Variants in SGCD observed in about 807,000 individuals in gnomAD.
SGCD encodes sarcoglycan delta.
Under a neutral mutation model 36.6 loss-of-function variants are expected in SGCD, and 18 were observed. The ratio of observed to expected loss-of-function variants is 0.49; its 90% CI spans 0.34 to 0.73. The LOEUF is 0.73. Ranked by LOEUF, SGCD falls within the 30% of genes least tolerant of loss-of-function variation. SGCD has a pLI of 0.01. For synonymous variants in SGCD, 133 were observed against 130.6 expected, an observed-to-expected ratio of 1.02 and a Z score of -0.12; for missense variants, 387 against 346.7, an observed-to-expected ratio of 1.12 and a Z score of -0.92.
At chr5:156,096,878 G>A (rs1376440620) in intron 1 of SGCD, among the ~76,000 whole-genome samples, 1 of 152,120 alleles carries the variant, frequency 6.6e-6, no homozygotes, top group Non-Finnish European at 1.5e-5. Flanking sequence ...AAATCTTTAA[G>A]GGGAGCTCTG....
chr5:156,517,907 A>G (rs1364718867), intron 4 of SGCD, among the ~76,000 whole-genome samples: 1 of 152,198 alleles, frequency 6.6e-6, no homozygotes, highest in African/African-American at 2.4e-5. Flanking sequence ...ACAAAGACCA[A>G]TGGCATTATG....
At chr5:156,237,618 G>C (rs13357819) in intron 3 of SGCD, among the ~76,000 whole-genome samples, 1 of 151,992 alleles carries the variant, frequency 6.6e-6, no homozygotes. Flanking sequence ...GAGTGAGACT[G>C]TCTCAAAATG....
chr5:156,506,647 T>C (rs1756711021), intron 3 of SGCD, among the ~76,000 whole-genome samples: 1 of 152,006 alleles, frequency 6.6e-6, no homozygotes, highest in Admixed American at 6.6e-5. Flanking sequence ...TTGACTGAAG[T>C]AGGGAAATTA....
chr5:156,148,093 G>A (rs578096895), intron 3 of SGCD, among the ~76,000 whole-genome samples: 1 of 152,256 alleles, frequency 6.6e-6, no homozygotes, highest in East Asian at 1.9e-4. Context: ...GTGATGTGGT[G>A]AACCAAGTGA....
chr5:156,285,355 T>C (rs1023098871), intron 3 of SGCD, among the ~76,000 whole-genome samples: 3 of 152,102 alleles, frequency 2.0e-5, no homozygotes, highest in South Asian at 2.1e-4. Context: ...AAAAAGAGCC[T>C]GCATTGCCAT....
At chr5:156,486,260 A>G (rs2127844377) in intron 3 of SGCD, among the ~76,000 whole-genome samples, 1 of 152,104 alleles carries the variant, frequency 6.6e-6, no homozygotes, top group African/African-American at 2.4e-5. Flanking sequence ...TCAGAACTCT[A>G]TCACACATGA....
intron 3 of SGCD, among the ~76,000 whole-genome samples, chr5:156,252,073 C>CA (rs1765594337): frequency 6.8e-6 from 1 of 146,444 alleles, no homozygotes; most frequent in African/African-American, 2.5e-5. Context: ...ATTTTTTTTT[C>CA]TTTTTTTTTT....
chr5:156,573,114 T>TA (rs1472808621), intron 4 of SGCD, among the ~76,000 whole-genome samples: 1 of 152,208 alleles, frequency 6.6e-6, no homozygotes, highest in Non-Finnish European at 1.5e-5. Flanking sequence ...CATGACTTTT[T>TA]ATGATCATAA....
intron 3 of SGCD, among the ~76,000 whole-genome samples, chr5:156,438,460 T>G (rs1299679128): frequency 6.6e-6 from 1 of 152,112 alleles, no homozygotes; most frequent in Admixed American, 6.6e-5. Context: ...AAAAGGTTGT[T>G]TTTTTCATGC....
intron 3 of SGCD, among the ~76,000 whole-genome samples, chr5:156,498,816 T>C (rs967334158): frequency 2.6e-5 from 4 of 152,176 alleles, no homozygotes; most frequent in African/African-American, 7.2e-5. Context: ...ATATGGTAAC[T>C]CCGTGTTTAA....
At chr5:156,464,043 G>A (rs776650527) in intron 3 of SGCD, among the ~76,000 whole-genome samples, 3 of 151,996 alleles carry the variant, frequency 2.0e-5, no homozygotes, top group Admixed American at 6.6e-5. Context: ...GCCAAGTACC[G>A]TGCTCAATGA....
intron 3 of SGCD, among the ~76,000 whole-genome samples, chr5:156,229,277 C>CATAT (rs570200528): frequency 0.01 from 580 of 56,456 alleles, 64 homozygotes; most frequent in African/African-American, 0.02. Flanking sequence ...TATATACATA[C>CATAT]ATATATATAT....
At chr5:156,135,703 C>T (rs889298284) in intron 3 of SGCD, among the ~76,000 whole-genome samples, 5 of 152,138 alleles carry the variant, frequency 3.3e-5, no homozygotes, top group African/African-American at 1.2e-4. Context: ...AGCCAAGAAG[C>T]GTTTCTGAAA....
chr5:156,233,501 G>A (rs1347656449), intron 3 of SGCD, among the ~76,000 whole-genome samples: 2 of 152,196 alleles, frequency 1.3e-5, no homozygotes, highest in African/African-American at 4.8e-5. Context: ...ATACAAAGTG[G>A]AGAGGGTGTT....
At chr5:156,725,854 C>A (rs1215890451) in intron 7 of SGCD, among the ~76,000 whole-genome samples, 1 of 148,932 alleles carries the variant, frequency 6.7e-6, no homozygotes, top group African/African-American at 2.6e-5. Flanking sequence ...AAGAAAAAAA[C>A]AAACTTTCTG....
chr5:156,271,040 C>A (rs1485026192), intron 3 of SGCD, among the ~76,000 whole-genome samples: 2 of 152,092 alleles, frequency 1.3e-5, no homozygotes, highest in African/African-American at 4.8e-5. Context: ...GATAAAATGG[C>A]TTAAGTAAAA....
intron 1 of SGCD, among the ~76,000 whole-genome samples, chr5:155,993,882 G>T (rs532930604): frequency 2.6e-5 from 4 of 152,270 alleles, no homozygotes; most frequent in Middle Eastern, 6.8e-3. Flanking sequence ...GCATCACTCT[G>T]TCCTACTCTA....
At chr5:156,682,272 A>C (rs1322241694) in intron 7 of SGCD, among the ~76,000 whole-genome samples, 1 of 152,248 alleles carries the variant, frequency 6.6e-6, no homozygotes, top group Non-Finnish European at 1.5e-5. Flanking sequence ...ATACACAAGT[A>C]GTAAATGTAT....
intron 4 of SGCD, among the ~76,000 whole-genome samples, chr5:156,517,404 T>G (rs907352854): frequency 6.6e-6 from 1 of 152,066 alleles, no homozygotes; most frequent in Non-Finnish European, 1.5e-5. Context: ...TGGAACCAAG[T>G]TGGAAAACGT....
Sources: allele counts gnomAD v4.1 joint callset (sites outside exome capture counted in the v4.1 genomes callset), GRCh38; gene constraint gnomAD v4.1.1; transcripts MANE v1.5; gene names NCBI Gene and HGNC (gene_info 2026-07-23, HGNC 2026-07-21).